The following CYFIP2 variants were observed in gnomAD, a reference collection of about 807,000 sequenced individuals.
CYFIP2 encodes cytoplasmic FMR1 interacting protein 2.
CYFIP2 carries 29 observed loss-of-function variants against 158.7 expected under a neutral mutation model. That is an observed-to-expected ratio of 0.18 (90% CI 0.14 to 0.25). The LOEUF (loss-of-function observed/expected upper bound fraction) is 0.25. Among genes scored for constraint, CYFIP2 ranks in the 10% least tolerant of loss-of-function variants. CYFIP2 has a pLI of 1.00. For synonymous variants in CYFIP2, 585 were observed against 617.6 expected, an observed-to-expected ratio of 0.95 and a Z score of 0.78; for missense variants, 852 against 1,639.5, an observed-to-expected ratio of 0.52 and a Z score of 8.29.
rs201156571 is a variant in CYFIP2 at position 157,376,899 on chromosome 5, A to G, written c.3040-5691A>G. 380 of 456,274 alleles carry G rather than the reference A, an allele frequency of 8.3e-4. 7 individuals carry two copies. Among genetic ancestry groups the G allele is most frequent in the South Asian group, 5.7e-3 (365 of 64,492 alleles). 28.3% of individuals were successfully genotyped at this position (456,274 alleles called of 1,614,324 possible). A position where few individuals can be genotyped will look rare whatever the true frequency, so the allele number is the denominator to read the frequency against. ...GACATCTTCTCTTCCGTGTCCACAC[A>G]CATCAGAAATTTACCTTGCCTGAAT... is the stretch of plus-strand genomic sequence containing the variant. On this transcript the variant is annotated intron_variant, in intron 26 of 30. Coordinates refer to ENST00000620254, the MANE Select transcript of CYFIP2 (RefSeq NM_001037333.3).
At chr5:157,288,056 G>A (rs973122869) in intron 3 of CYFIP2, among the ~76,000 whole-genome samples, 1 of 151,992 alleles carries the variant, frequency 6.6e-6, no homozygotes, top group African/African-American at 2.4e-5. Flanking sequence ...TCGTATCACT[G>A]CATTCCAGCC....
intron 21 of CYFIP2, among the ~76,000 whole-genome samples, chr5:157,335,808 T>G (rs1433934144): frequency 1.3e-5 from 2 of 152,100 alleles, no homozygotes; most frequent in Admixed American, 1.3e-4. Flanking sequence ...GTGGCGGGAT[T>G]TTTTTTTCTT....
In CYFIP2 at chr5:157,311,997, G is replaced by A. The variant is rs890011300; in HGVS notation, c.1110+216G>A. 2.0e-5 allele frequency among the ~76,000 whole-genome samples: 3 copies of A among 152,140 alleles called. No homozygotes were observed. The highest frequency in any genetic ancestry group is 7.2e-5 in the African/African-American group (3 of 41,410). ...TTTGTAAGTTATTCAACATCTCTTT[G>A]CTTCAATTTCCTCATCTGTGAAATG... On this transcript the variant is annotated intron_variant, in intron 11 of 30. Transcript: ENST00000620254. The surrounding 1 kb of genome is among the most constrained non-coding windows in gnomAD (Gnocchi z 4.7).
intron 11 of CYFIP2, among the ~76,000 whole-genome samples, chr5:157,312,432 A>G (rs1020396663): frequency 2.6e-5 from 4 of 152,156 alleles, no homozygotes; most frequent in African/African-American, 9.7e-5. Flanking sequence ...CCCAGAACCA[A>G]CTAAGACTGG....
At chr5:157,268,300 G>T (rs185709338) in intron 1 of CYFIP2, among the ~76,000 whole-genome samples, 2 of 152,310 alleles carry the variant, frequency 1.3e-5, no homozygotes, top group Admixed American at 6.5e-5. Context: ...CTTGCTTTAG[G>T]CATTAGGCCA....
intron 15 of CYFIP2, among the ~76,000 whole-genome samples, chr5:157,321,899 C>T (rs11954067): frequency 0.33 from 50,409 of 152,118 alleles, 9,461 homozygotes; most frequent in African/African-American, 0.51. Flanking sequence ...GGTTGAGGTC[C>T]GGGAGACACT....
intron 13 of CYFIP2, among the ~76,000 whole-genome samples, chr5:157,316,628 C>T (rs1029046863): frequency 6.6e-6 from 1 of 152,152 alleles, no homozygotes; most frequent in Non-Finnish European, 1.5e-5. Flanking sequence ...CTACAAGAGA[C>T]GAATCTAGAA....
intron 23 of CYFIP2, among the ~76,000 whole-genome samples, chr5:157,345,983 A>G (rs1182954154): frequency 6.6e-6 from 1 of 152,154 alleles, no homozygotes; most frequent in East Asian, 1.9e-4. Context: ...CAGTTATTCC[A>G]CAACCAAAGC....
chr5:157,354,618 A>G (rs1281199709), intron 23 of CYFIP2, among the ~76,000 whole-genome samples: 1 of 151,822 alleles, frequency 6.6e-6, no homozygotes, highest in Non-Finnish European at 1.5e-5. Context: ...GAGGATTTGA[A>G]TTCTCCTCAT....
At chr5:157,352,648 T>C (rs1763145883) in intron 23 of CYFIP2, among the ~76,000 whole-genome samples, 1 of 152,208 alleles carries the variant, frequency 6.6e-6, no homozygotes, top group Admixed American at 6.5e-5. Flanking sequence ...ATTCCACTTC[T>C]GCTAAATGGG....
At chr5:157,298,489 C>A (rs1187087802) in intron 5 of CYFIP2, among the ~76,000 whole-genome samples, 1 of 146,548 alleles carries the variant, frequency 6.8e-6, no homozygotes, top group Non-Finnish European at 1.5e-5. Context: ...GTGTGTGCCA[C>A]CACGACCAGC....
chr5:157,299,938 T>C (rs1407825759), intron 5 of CYFIP2, among the ~76,000 whole-genome samples: 1 of 152,146 alleles, frequency 6.6e-6, no homozygotes, highest in Non-Finnish European at 1.5e-5. Flanking sequence ...AGAATGTAAA[T>C]TCCTGAAGGC....
At chr5:157,273,011 C>G (rs1232498346) in intron 1 of CYFIP2, among the ~76,000 whole-genome samples, 1 of 152,076 alleles carries the variant, frequency 6.6e-6, no homozygotes, top group East Asian at 1.9e-4. Context: ...GGATTACAGG[C>G]GTGTGCTATG....
rs150409940 is a variant in CYFIP2 at position 157,270,508 on chromosome 5, T to C, written c.-24+4313T>C. Among the ~76,000 whole-genome samples the C allele has an allele frequency of 4.3e-3, 648 of 152,340 alleles. 5 individuals are homozygous for C. Among genetic ancestry groups the C allele is most frequent in the African/African-American group, 0.015 (611 of 41,564 alleles). On this transcript the variant is annotated intron_variant, in intron 1 of 30. Transcript: ENST00000620254. ...ACCCTCAGAGAAGACATGCAGTAAC[T>C]CTTAAGGAATATCCGAGAACTATTT...
intron 28 of CYFIP2, chr5:157,384,870 G>A (rs1332372602): frequency 1.3e-5 from 3 of 239,124 alleles, no homozygotes; most frequent in East Asian, 9.3e-5. Context: ...AACCCAAGAG[G>A]TGGAGGCTGC....
intron 1 of CYFIP2, chr5:157,271,690 CAG>C (rs1756107144): frequency 6.6e-6 from 1 of 152,214 alleles, no homozygotes; most frequent in Non-Finnish European, 1.5e-5. Flanking sequence ...ATTTTACAGA[CAG>C]AGAAATTTGC....
At chr5:157,275,363 A>G (rs910574958) in intron 1 of CYFIP2, among the ~76,000 whole-genome samples, 2 of 152,340 alleles carry the variant, frequency 1.3e-5, no homozygotes, top group African/African-American at 4.8e-5. Flanking sequence ...CCATAAAACA[A>G]ATTTTGCATG....
At chr5:157,293,372 G>A (rs529479555) in intron 3 of CYFIP2, among the ~76,000 whole-genome samples, 5 of 152,132 alleles carry the variant, frequency 3.3e-5, no homozygotes, top group African/African-American at 7.2e-5. Context: ...CCAGGTATTC[G>A]GACCTTGAGT....
At chr5:157,327,113 T>G (rs1182537610) in intron 18 of CYFIP2, among the ~76,000 whole-genome samples, 2 of 152,232 alleles carry the variant, frequency 1.3e-5, no homozygotes, top group African/African-American at 4.8e-5. Context: ...ATATTTGGTT[T>G]GATTCTTCAT....
Sources: gnomAD v4.1 joint callset for allele counts (sites outside exome capture counted in the v4.1 genomes callset) on GRCh38, gnomAD v4.1.1 for gene constraint, Gnocchi (gnomAD v3.1) non-coding constraint, MANE v1.5 for transcripts, NCBI Gene and HGNC (gene_info 2026-07-23, HGNC 2026-07-21) for gene names.